MEI4: variants seen among roughly 807,000 people sequenced by gnomAD.
The protein encoded by MEI4 is meiosis-specific protein MEI4.
In MEI4, 27 loss-of-function variants were observed where a neutral mutation model predicts 31.4. That is an observed-to-expected ratio of 0.86 (90% CI 0.63 to 1.19). The LOEUF (loss-of-function observed/expected upper bound fraction) is 1.19, where lower values mean the gene tolerates loss of function less well. MEI4 is among the 50% of genes most tolerant of loss of function. MEI4 has a pLI of 0.00. For missense variants in MEI4, 329 were observed against 398.9 expected, an observed-to-expected ratio of 0.82 and a Z score of 1.49; for synonymous variants, 122 against 145.4, an observed-to-expected ratio of 0.84 and a Z score of 1.16.
intron 4 of MEI4, among the ~76,000 whole-genome samples, chr6:77,834,095 A>G (rs1315417643): frequency 6.6e-6 from 1 of 152,202 alleles, no homozygotes; most frequent in Non-Finnish European, 1.5e-5. Flanking sequence ...CCATTAAAAC[A>G]AAACAAAACC....
Position 77,810,660 on chromosome 6 carries a change from G to A in MEI4, c.769-18271G>A, listed in dbSNP as rs533299410. Reference sequence around the variant, plus strand: ...GACTTCATGAGGCTTTCTAGCATTTGGCTAGAATCTTGCTGTTAAAGGAAA... The same window carrying A: ...GACTTCATGAGGCTTTCTAGCATTTAGCTAGAATCTTGCTGTTAAAGGAAA... On this transcript the variant is annotated intron_variant, in intron 3 of 4. Coordinates refer to ENST00000684080, the MANE Select transcript of MEI4 (RefSeq NM_001322247.2). 5.3e-5 allele frequency among the ~76,000 whole-genome samples: 8 copies of A among 152,220 alleles called. No individual in the cohort carries two copies. The East Asian group carries it at 1.5e-3, about 29-fold the overall frequency.
chr6:77,670,690 A>G (rs568297851), intron 1 of MEI4, among the ~76,000 whole-genome samples: 4 of 152,086 alleles, frequency 2.6e-5, no homozygotes, highest in African/African-American at 9.6e-5. Context: ...TTCCCTTTGC[A>G]TATTTGCTCA....
At chr6:77,652,612 T>C (rs1233502242), upstream of MEI4, among the ~76,000 whole-genome samples, 39 of 152,194 alleles carry the variant, frequency 2.6e-4, no homozygotes, top group Admixed American at 2.6e-3. Context: ...AGAATATAAC[T>C]TAATGTTAAA....
Position 77,696,538 on chromosome 6 carries a change from T to G in MEI4, c.232+5635T>G, listed in dbSNP as rs9448164. Among the ~76,000 whole-genome samples, 1,046 of 151,942 alleles carry G rather than the reference T, an allele frequency of 6.9e-3. 12 individuals carry two copies. Among genetic ancestry groups the G allele is most frequent in the African/African-American group, 0.024 (986 of 41,438 alleles). ...TTGAGATAATCATGTGGTTTTTGTC[T>G]TTGGTTCTGTTTATATGCTGGATTA... On this transcript the variant is annotated intron_variant, in intron 2 of 4. Transcript: ENST00000684080.
intron 4 of MEI4, among the ~76,000 whole-genome samples, chr6:77,873,396 T>C (rs1159883282): frequency 3.9e-5 from 6 of 152,384 alleles, no homozygotes; most frequent in Middle Eastern, 6.8e-3. Context: ...GCTGCATAAA[T>C]GTCTTCTTTT....
rs532312621 is a variant in MEI4, at chr6:77,790,018, A to G, written c.768+28353A>G. ...TTGGAACCAAGCCAAATGTCCAACA[A>G]TGATAGACTGGATTAAGAAAATGTG... On this transcript the variant is annotated intron_variant, in intron 3 of 4. Transcript: ENST00000684080. Among the ~76,000 whole-genome samples the G allele has an allele frequency of 1.4e-3, 215 of 152,172 alleles. 1 individual carries two copies. The highest frequency in any genetic ancestry group is 4.5e-3 in the African/African-American group (188 of 41,528).
rs192612271 is a variant in MEI4 at position 77,679,196 on chromosome 6, A to G, written c.-14-11462A>G. Among the ~76,000 whole-genome samples the G allele has an allele frequency of 3.3e-5, 5 of 152,334 alleles. No individual in the cohort carries two copies. The East Asian group carries it at 7.7e-4, about 24-fold the overall frequency. On this transcript the variant is annotated intron_variant, in intron 1 of 4. Transcript: ENST00000684080. Reference sequence around the variant, plus strand: ...TGTAGCCTAAGTGTCCAGTATTTATAAAGTTGACAGTAGTATACAGTAATG... The same window carrying G: ...TGTAGCCTAAGTGTCCAGTATTTATGAAGTTGACAGTAGTATACAGTAATG...
At position 77,754,107 on chromosome 6, in the gene MEI4, G is replaced by T. The variant is rs867721933; in HGVS notation, c.233-7023G>T. On this transcript the variant is annotated intron_variant, in intron 2 of 4. Transcript: ENST00000684080. ...ACACACCATGTCCTGTAGGGGGTTA[G>T]GGGGGTTCTGGGGAGGGATGGCATT... 3.5e-4 allele frequency among the ~76,000 whole-genome samples: 53 copies of T among 152,184 alleles called. 1 individual carries two copies. The Middle Eastern group carries it at 0.017, about 49-fold the overall frequency.
At chr6:77,785,002 C>T (rs1166922876) in intron 3 of MEI4, among the ~76,000 whole-genome samples, 2 of 152,256 alleles carry the variant, frequency 1.3e-5, no homozygotes, top group East Asian at 1.9e-4. Context: ...GTATGCCCTA[C>T]TCCCATTCTA....
chr6:77,888,869 C>T (rs1417405738), intron 4 of MEI4, among the ~76,000 whole-genome samples: 2 of 152,142 alleles, frequency 1.3e-5, no homozygotes, highest in East Asian at 3.9e-4. Flanking sequence ...ATGCTGTTCT[C>T]GTGATAGTCA....
intron 2 of MEI4, among the ~76,000 whole-genome samples, chr6:77,733,560 G>C (rs1453467694): frequency 6.6e-6 from 1 of 151,744 alleles, no homozygotes; most frequent in Non-Finnish European, 1.5e-5. Context: ...CAGTTTTGTT[G>C]ATCATTTCAA....
At chr6:77,750,829 C>T (rs1301497721) in intron 2 of MEI4, among the ~76,000 whole-genome samples, 1 of 152,162 alleles carries the variant, frequency 6.6e-6, no homozygotes, top group Non-Finnish European at 1.5e-5. Context: ...TTCTTCTCAG[C>T]ACCACATCAT....
At chr6:77,748,973 G>T (rs1422396611) in intron 2 of MEI4, among the ~76,000 whole-genome samples, 1 of 152,090 alleles carries the variant, frequency 6.6e-6, no homozygotes, top group Non-Finnish European at 1.5e-5. Flanking sequence ...GTGATACCCA[G>T]GAAAACAGGG....
chr6:77,837,145 G>A (rs1582199223), intron 4 of MEI4, among the ~76,000 whole-genome samples: 1 of 151,948 alleles, frequency 6.6e-6, no homozygotes, highest in Admixed American at 6.6e-5. Flanking sequence ...AGCTCAGCTG[G>A]CAACGAAGAT....
At chr6:77,743,629 C>T (rs576099452) in intron 2 of MEI4, among the ~76,000 whole-genome samples, 8 of 152,300 alleles carry the variant, frequency 5.3e-5, no homozygotes, top group East Asian at 1.9e-4. Context: ...TCTCCCAGCA[C>T]GCAGCTGGAG....
At chr6:77,765,868 T>C (rs1768161635) in intron 3 of MEI4, among the ~76,000 whole-genome samples, 1 of 152,168 alleles carries the variant, frequency 6.6e-6, no homozygotes, top group African/African-American at 2.4e-5. Context: ...TAAAAAATGA[T>C]GAGTTCATGT....
chr6:77,854,717 AG>A (rs1392100744), intron 4 of MEI4, among the ~76,000 whole-genome samples: 1 of 152,072 alleles, frequency 6.6e-6, no homozygotes, highest in Admixed American at 6.6e-5. Flanking sequence ...TGGTTGTGGT[AG>A]TGGGGTGGTC....
intron 3 of MEI4, among the ~76,000 whole-genome samples, chr6:77,794,756 C>T (rs1033114654): frequency 2.6e-5 from 4 of 151,882 alleles, no homozygotes; most frequent in Non-Finnish European, 5.9e-5. Context: ...ATGGCCCAAA[C>T]AGACATATTT....
At chr6:77,740,396 A>G (rs1767368306) in intron 2 of MEI4, among the ~76,000 whole-genome samples, 1 of 152,112 alleles carries the variant, frequency 6.6e-6, no homozygotes, top group African/African-American at 2.4e-5. Flanking sequence ...TCTGTCTAAT[A>G]CTGTCAGTGG....
Sources: allele counts gnomAD v4.1 joint callset (sites outside exome capture counted in the v4.1 genomes callset), GRCh38; gene constraint gnomAD v4.1.1; transcripts MANE v1.5; gene names NCBI Gene and HGNC (gene_info 2026-07-23, HGNC 2026-07-21).